The following EYS variants were observed in gnomAD, a reference collection of about 807,000 sequenced individuals.
The protein encoded by EYS is protein eyes shut homolog.
A neutral mutation model predicts 282.1 loss-of-function variants in EYS; 250 were observed. The ratio of observed to expected loss-of-function variants is 0.89; its 90% CI spans 0.80 to 0.98. The LOEUF (loss-of-function observed/expected upper bound fraction) is 0.98. EYS is among the 50% of genes least tolerant of loss of function. EYS has a pLI of 0.00. For synonymous variants in EYS, 1,355 were observed against 1,282.9 expected, an observed-to-expected ratio of 1.06 and a Z score of -1.20; for missense variants, 4,016 against 3,709.0, an observed-to-expected ratio of 1.08 and a Z score of -2.15.
chr6:64,361,641 T>C (rs917995707), intron 29 of EYS, among the ~76,000 whole-genome samples: 2 of 151,732 alleles, frequency 1.3e-5, no homozygotes, highest in Admixed American at 1.3e-4. Flanking sequence ...AAGATCTTCT[T>C]TTGGGCTTGA....
chr6:65,255,450 G>T (rs967764366), intron 12 of EYS, among the ~76,000 whole-genome samples: 1 of 151,948 alleles, frequency 6.6e-6, no homozygotes, highest in African/African-American at 2.4e-5. Flanking sequence ...GACATTGTCT[G>T]GGCAAAGATT....
At chr6:65,600,436 A>G (rs1425210736) in intron 2 of EYS, among the ~76,000 whole-genome samples, 2 of 151,998 alleles carry the variant, frequency 1.3e-5, no homozygotes, top group Admixed American at 1.3e-4. Context: ...GATGGCTCTT[A>G]TATTCTTATA....
chr6:64,712,575 C>A (rs927707654), intron 22 of EYS, among the ~76,000 whole-genome samples: 1 of 152,182 alleles, frequency 6.6e-6, no homozygotes, highest in African/African-American at 2.4e-5. Flanking sequence ...AATTAATGTT[C>A]TGGAAGCAGT....
chr6:64,042,471 T>C (rs1324474851), intron 33 of EYS, among the ~76,000 whole-genome samples: 4 of 152,184 alleles, frequency 2.6e-5, no homozygotes, highest in Non-Finnish European at 5.9e-5. Flanking sequence ...CAATTTCTAT[T>C]AAATGCTCAT....
At chr6:64,543,303 A>T (rs1384622931) in intron 26 of EYS, among the ~76,000 whole-genome samples, 1 of 152,090 alleles carries the variant, frequency 6.6e-6, no homozygotes, top group East Asian at 1.9e-4. Context: ...TTACGGAAAA[A>T]CAGACTTTAA....
intron 30 of EYS, among the ~76,000 whole-genome samples, chr6:64,239,327 A>G (rs997574867): frequency 1.1e-4 from 16 of 152,194 alleles, no homozygotes; most frequent in Non-Finnish European, 2.1e-4. Context: ...AGGAATCACC[A>G]CACTGTCTTC....
chr6:65,351,583 G>T (rs567031117), intron 9 of EYS, among the ~76,000 whole-genome samples: 1 of 151,770 alleles, frequency 6.6e-6, no homozygotes, highest in Admixed American at 6.6e-5. Context: ...TTGTGAATAT[G>T]TTCCCTGTAG....
At chr6:64,244,823 TTCTA>T (rs1252801420) in intron 30 of EYS, among the ~76,000 whole-genome samples, 1 of 152,222 alleles carries the variant, frequency 6.6e-6, no homozygotes, top group African/African-American at 2.4e-5. Flanking sequence ...ATATTTTATT[TTCTA>T]TCTTTTTTTA....
Position 63,848,428 on chromosome 6 carries a change from C to A in EYS, c.7228+15758G>T, listed in dbSNP as rs560383934. On this transcript the variant is annotated intron_variant, in intron 36 of 42. Coordinates refer to ENST00000503581, the MANE Select transcript of EYS (RefSeq NM_001142800.2). ...ATAGGAACAGCTCTGGTCTGCAGCT[C>A]CCAGCAAGACCAACGGAGAAGGCGG... Among the ~76,000 whole-genome samples the A allele has an allele frequency of 3.9e-5, 6 of 152,024 alleles. No individual in the cohort carries two copies. In the South Asian group the frequency reaches 1.2e-3, roughly 32 times the overall value.
intron 5 of EYS, among the ~76,000 whole-genome samples, chr6:65,440,954 A>AAT (rs1768298730): frequency 6.8e-6 from 1 of 146,770 alleles, no homozygotes; most frequent in Admixed American, 7.0e-5. Flanking sequence ...TATGTATATA[A>AAT]ATATATATAT....
rs1043955815 is a variant in EYS, at chr6:64,183,945, A to G, written c.6424+46647T>C. ...TTTTGTAACGCAATTTTAAATTTCA[A>G]TTTCTTGAGCTTTATACATGTTAGT... On this transcript the variant is annotated intron_variant, in intron 31 of 42. Coordinates refer to ENST00000503581, the MANE Select transcript of EYS (RefSeq NM_001142800.2). Among the ~76,000 whole-genome samples, 9 of 151,912 alleles carry G rather than the reference A, an allele frequency of 5.9e-5. 1 individual carries two copies. Among genetic ancestry groups the G allele is most frequent in the African/African-American group, 1.7e-4 (7 of 41,370 alleles).
At chr6:65,289,810 G>A (rs1768473520) in intron 12 of EYS, among the ~76,000 whole-genome samples, 1 of 150,884 alleles carries the variant, frequency 6.6e-6, no homozygotes, top group Middle Eastern at 3.4e-3. Flanking sequence ...TCTACAATTG[G>A]AAGAACAATA....
chr6:65,248,808 A>G (rs936028436), intron 12 of EYS, among the ~76,000 whole-genome samples: 1 of 152,018 alleles, frequency 6.6e-6, no homozygotes, highest in East Asian at 1.9e-4. Context: ...TTATCTAAAC[A>G]TAAGAAAACA....
chr6:65,308,257 G>A (rs1238572688), intron 11 of EYS, among the ~76,000 whole-genome samples: 2 of 54,132 alleles, frequency 3.7e-5, no homozygotes, highest in Admixed American at 2.2e-4. Flanking sequence ...AATTACAGGC[G>A]TGAGCCACTG....
intron 13 of EYS, among the ~76,000 whole-genome samples, chr6:65,016,123 G>A (rs537010264): frequency 6.6e-6 from 1 of 150,898 alleles, no homozygotes; most frequent in African/African-American, 2.4e-5. Context: ...CAGCACTTTG[G>A]GAGGCCGAGG....
intron 12 of EYS, among the ~76,000 whole-genome samples, chr6:65,176,050 C>T (rs571499846): frequency 6.6e-6 from 1 of 151,452 alleles, no homozygotes; most frequent in African/African-American, 2.4e-5. Flanking sequence ...ACATTCTTCA[C>T]CTCACATAAT....
intron 35 of EYS, among the ~76,000 whole-genome samples, chr6:63,870,862 C>T (rs1263740305): frequency 6.6e-6 from 1 of 152,112 alleles, no homozygotes; most frequent in Non-Finnish European, 1.5e-5. Context: ...GTTAGGTGCA[C>T]AGTTGTAAGG....
At chr6:65,650,046 T>C (rs888416499) in intron 1 of EYS, among the ~76,000 whole-genome samples, 3 of 152,180 alleles carry the variant, frequency 2.0e-5, no homozygotes, top group African/African-American at 4.8e-5. Context: ...GTGTTTTCAG[T>C]GTTTTATCTG....
intron 30 of EYS, among the ~76,000 whole-genome samples, chr6:64,252,193 T>G (rs1353205140): frequency 6.6e-6 from 1 of 152,094 alleles, no homozygotes; most frequent in Non-Finnish European, 1.5e-5. Flanking sequence ...GCAACTCCCT[T>G]TAAATGTAAT....
Sources: gnomAD v4.1 joint callset for allele counts (sites outside exome capture counted in the v4.1 genomes callset) on GRCh38, gnomAD v4.1.1 for gene constraint, MANE v1.5 for transcripts, NCBI Gene and HGNC (gene_info 2026-07-23, HGNC 2026-07-21) for gene names.